Variants in CAMTA1 observed in about 807,000 individuals in gnomAD.
CAMTA1 encodes calmodulin binding transcription activator 1, also known as calmodulin-binding transcription activator 1.
CAMTA1 carries 27 observed loss-of-function variants against 170.9 expected under a neutral mutation model. The observed-to-expected ratio is 0.16, with a 90% CI of 0.12 to 0.22. The LOEUF (loss-of-function observed/expected upper bound fraction) is 0.22, where lower values mean the gene tolerates loss of function less well. Ranked by LOEUF, CAMTA1 falls within the 10% of genes least tolerant of loss-of-function variation. The probability of loss-of-function intolerance (pLI) is 1.00; values close to 1 mark genes in which losing one functional copy is unlikely to be tolerated. For synonymous variants in CAMTA1, 833 were observed against 891.5 expected (o/e 0.93, Z 1.17); for missense variants, 1,619 against 2,217.2 (o/e 0.73, Z 5.42).
chr1:7,710,433 A>T (rs1248611632), intron 11 of CAMTA1, among the ~76,000 whole-genome samples: 2 of 151,814 alleles, frequency 1.3e-5, no homozygotes, highest in Non-Finnish European at 2.9e-5. Context: ...CCTCATCTTT[A>T]AAAAAAATTT....
At chr1:7,183,592 G>A (rs1488644258) in intron 4 of CAMTA1, among the ~76,000 whole-genome samples, 2 of 152,216 alleles carry the variant, frequency 1.3e-5, no homozygotes, top group Non-Finnish European at 2.9e-5. Context: ...GGTTGAATAA[G>A]TGCTGGTGCA....
rs112368240 is a variant in CAMTA1 at position 7,118,226 on chromosome 1, G to T, written c.302+26855G>T. ...CACCTGAGGGCATTGCCTGATGGAG[G>T]GACTCTAGAGTTGGGAGTACAGGAG... On this transcript the variant is annotated intron_variant, in intron 4 of 22. Transcript: ENST00000303635. 8.6e-3 allele frequency among the ~76,000 whole-genome samples: 1,310 copies of T among 151,946 alleles called. 29 individuals are homozygous for T. The highest frequency in any genetic ancestry group is 0.03 in the African/African-American group (1,246 of 41,372).
chr1:7,320,403 C>A (rs780994415), intron 5 of CAMTA1, among the ~76,000 whole-genome samples: 1 of 152,154 alleles, frequency 6.6e-6, no homozygotes, highest in Non-Finnish European at 1.5e-5. Context: ...ATCAGTTGGC[C>A]ATATGCTATG....
At chr1:7,350,334 G>GC (rs966682991) in intron 5 of CAMTA1, among the ~76,000 whole-genome samples, 3 of 152,178 alleles carry the variant, frequency 2.0e-5, no homozygotes, top group African/African-American at 7.2e-5. Context: ...GAGTCCTCCT[G>GC]CCCCTATACC....
At chr1:6,926,461 TTTCTTTCTTTCTTTCTTTC>T (rs1437495257) in intron 3 of CAMTA1, among the ~76,000 whole-genome samples, 5 of 136,752 alleles carry the variant, frequency 3.7e-5, no homozygotes, top group Non-Finnish European at 6.0e-5. Context: ...TCTTTCTTTC[TTTCTTTCTTTCTTTCTTTC>T]TTTCTTTCTC....
At chr1:6,860,999 C>T (rs1664474736) in intron 3 of CAMTA1, among the ~76,000 whole-genome samples, 1 of 149,928 alleles carries the variant, frequency 6.7e-6, no homozygotes, top group Admixed American at 6.6e-5. Context: ...GAGTCTTGCC[C>T]TGTCACCCAG....
At chr1:7,089,579 C>CCATCG (rs531432200) in intron 3 of CAMTA1, among the ~76,000 whole-genome samples, 3,199 of 141,240 alleles carry the variant, frequency 0.023, 57 homozygotes, top group Non-Finnish European at 0.035. Context: ...CCATCCCATC[C>CCATCG]CATCCCATCC....
Position 6,971,502 on chromosome 1 carries a change from C to T in CAMTA1, c.235-119802C>T, listed in dbSNP as rs1436459625. On this transcript the variant is annotated intron_variant, in intron 3 of 22. Coordinates refer to ENST00000303635, the MANE Select transcript of CAMTA1 (RefSeq NM_015215.4). The surrounding 1 kb of genome is among the most constrained non-coding windows in gnomAD (Gnocchi z 4.6). ...TGGTTTTGTTTTTACCACCCCCACC[C>T]TCACTACTAATTTTACGTTGTCTTT... Among the ~76,000 whole-genome samples the T allele has an allele frequency of 6.6e-6, 1 of 152,200 alleles. No homozygotes were observed. Among genetic ancestry groups the T allele is most frequent in the East Asian group, 1.9e-4 (1 of 5,192 alleles).
chr1:7,119,248 CG>C (rs1422416510), intron 4 of CAMTA1, among the ~76,000 whole-genome samples: 1 of 152,162 alleles, frequency 6.6e-6, no homozygotes, highest in African/African-American at 2.4e-5. Context: ...AGAGCCACTG[CG>C]GCACTGCTGA....
At chr1:7,344,808 C>T (rs138414597) in intron 5 of CAMTA1, among the ~76,000 whole-genome samples, 2,447 of 149,724 alleles carry the variant, frequency 0.016, 51 homozygotes, top group African/African-American at 0.056. Context: ...AGTGCAGTGG[C>T]GTGATCTTGG....
chr1:7,165,501 G>A lies in CAMTA1; in HGVS notation c.302+74130G>A, dbSNP rs141579400. On this transcript the variant is annotated intron_variant, in intron 4 of 22. Coordinates refer to ENST00000303635, the MANE Select transcript of CAMTA1 (RefSeq NM_015215.4). The stretch of plus-strand genomic sequence containing the variant: ...GGCTGGAGTGCAGTAGTGCGATCTC[G>A]GCTCACTGCAACTTCTGCCTCGCAG... Among the ~76,000 whole-genome samples the A allele has an allele frequency of 1.9e-3, 288 of 151,990 alleles. 4 individuals carry two copies. In the East Asian group the frequency reaches 0.048, roughly 25 times the overall value.
chr1:7,188,347 C>T (rs550752869), intron 4 of CAMTA1, among the ~76,000 whole-genome samples: 1 of 152,342 alleles, frequency 6.6e-6, no homozygotes, highest in African/African-American at 2.4e-5. Flanking sequence ...TAACCATTTT[C>T]CACTGTACCA....
chr1:7,277,949 C>T (rs1397582160), intron 5 of CAMTA1, among the ~76,000 whole-genome samples: 4 of 152,166 alleles, frequency 2.6e-5, no homozygotes, highest in Non-Finnish European at 5.9e-5. Flanking sequence ...CATTAGAAAT[C>T]ACACCGTGAG....
chr1:7,654,922 CTA>C (rs1304291647), intron 7 of CAMTA1, among the ~76,000 whole-genome samples: 3 of 146,156 alleles, frequency 2.1e-5, no homozygotes, highest in Non-Finnish European at 3.0e-5. Context: ...ACACACCCAT[CTA>C]TACACACACA....
intron 5 of CAMTA1, among the ~76,000 whole-genome samples, chr1:7,271,286 G>A (rs886706401): frequency 2.6e-5 from 4 of 152,074 alleles, no homozygotes; most frequent in Non-Finnish European, 5.9e-5. Context: ...CCTACAAGCC[G>A]GGAAGAAAAC....
rs9434882 is a variant in CAMTA1 at position 7,657,902 on chromosome 1, C to A, written c.665-3824C>A. 1.7e-3 allele frequency among the ~76,000 whole-genome samples: 257 copies of A among 152,120 alleles called. 1 individual carries two copies. The highest frequency in any genetic ancestry group is 4.8e-3 in the Admixed American group (74 of 15,284). The stretch of plus-strand genomic sequence containing the variant: ...CTTCACTGGGTCTTCATTTTATAAC[C>A]TTCACAACATAAGGAGGAGAACAAG... On this transcript the variant is annotated intron_variant, in intron 7 of 22. Coordinates refer to ENST00000303635, the MANE Select transcript of CAMTA1 (RefSeq NM_015215.4).
intron 4 of CAMTA1, among the ~76,000 whole-genome samples, chr1:7,152,725 C>A (rs1358734542): frequency 6.6e-6 from 1 of 152,206 alleles, no homozygotes; most frequent in Non-Finnish European, 1.5e-5. Context: ...ACTCTTTCCC[C>A]CTGGAAGAGA....
chr1:7,228,991 C>T (rs948419622), intron 4 of CAMTA1, among the ~76,000 whole-genome samples: 3 of 152,070 alleles, frequency 2.0e-5, no homozygotes, highest in Non-Finnish European at 2.9e-5. Flanking sequence ...TGCACACAGC[C>T]CAGGAATTCC....
intron 6 of CAMTA1, among the ~76,000 whole-genome samples, chr1:7,596,582 C>A (rs2095402038): frequency 6.6e-6 from 1 of 152,206 alleles, no homozygotes; most frequent in South Asian, 2.1e-4. Context: ...TGCTCCCACC[C>A]AGGCTGACAG....
Sources: gnomAD v4.1 joint callset for allele counts (sites outside exome capture counted in the v4.1 genomes callset) on GRCh38, gnomAD v4.1.1 for gene constraint, Gnocchi (gnomAD v3.1) non-coding constraint, MANE v1.5 for transcripts, NCBI Gene and HGNC (gene_info 2026-07-23, HGNC 2026-07-21) for gene names.